Variants in PCDH15 observed in about 807,000 individuals in gnomAD.
PCDH15 encodes the protein protocadherin related 15.
PCDH15 carries 129 observed loss-of-function variants against 178.5 expected under a neutral mutation model. That is an observed-to-expected ratio of 0.72 (90% CI 0.63 to 0.84). The LOEUF (loss-of-function observed/expected upper bound fraction) is 0.84. PCDH15 is among the 40% of genes least tolerant of loss of function. PCDH15 has a pLI of 0.00. For missense variants in PCDH15, 2,230 were observed against 2,099.9 expected (o/e 1.06, Z -1.21); for synonymous variants, 800 against 732.0 (o/e 1.09, Z -1.50).
At chr10:55,505,009 A>T (rs1193838292) in intron 2 of PCDH15, among the ~76,000 whole-genome samples, 2 of 151,412 alleles carry the variant, frequency 1.3e-5, no homozygotes, top group Non-Finnish European at 3.0e-5. Context: ...TTGTCATAAG[A>T]GCTAATTTCA....
At chr10:54,745,964 A>C (rs1251289552) in intron 1 of PCDH15, among the ~76,000 whole-genome samples, 1 of 152,238 alleles carries the variant, frequency 6.6e-6, no homozygotes, top group Non-Finnish European at 1.5e-5. Context: ...TTGGAATAGT[A>C]GTCAAAATCT....
At chr10:54,279,927 T>C (rs907124653) in intron 8 of PCDH15, among the ~76,000 whole-genome samples, 1 of 151,686 alleles carries the variant, frequency 6.6e-6, no homozygotes, top group African/African-American at 2.4e-5. Flanking sequence ...GAGACTTTCC[T>C]AGAAATCGTT....
At chr10:54,875,969 C>A (rs1954132290) in intron 3 of PCDH15, among the ~76,000 whole-genome samples, 1 of 152,126 alleles carries the variant, frequency 6.6e-6, no homozygotes, top group Non-Finnish European at 1.5e-5. Flanking sequence ...AAGAAATTAT[C>A]ATCTAGGACT....
At chr10:54,774,644 A>G (rs1400986716) in intron 1 of PCDH15, among the ~76,000 whole-genome samples, 1 of 152,200 alleles carries the variant, frequency 6.6e-6, no homozygotes, top group African/African-American at 2.4e-5. Flanking sequence ...ACCAGTGGTT[A>G]GTTATCCCAG....
intron 1 of PCDH15, among the ~76,000 whole-genome samples, chr10:55,218,668 A>G (rs910780654): frequency 1.3e-5 from 2 of 152,026 alleles, no homozygotes; most frequent in African/African-American, 4.8e-5. Context: ...TGGGAAAATC[A>G]TGTGTTTGTT....
intron 20 of PCDH15, among the ~76,000 whole-genome samples, chr10:53,999,896 C>A (rs1027725227): frequency 6.6e-6 from 1 of 152,136 alleles, no homozygotes; most frequent in Admixed American, 6.5e-5. Context: ...TTGGACAAGA[C>A]CCAGTGCTGT....
intron 2 of PCDH15, among the ~76,000 whole-genome samples, chr10:55,050,023 T>C (rs1469094956): frequency 6.6e-6 from 1 of 152,040 alleles, no homozygotes; most frequent in Non-Finnish European, 1.5e-5. Context: ...TAGTTACAAA[T>C]ATGTTTACCT....
chr10:55,329,314 C>T (rs1292895763), intron 2 of PCDH15, among the ~76,000 whole-genome samples: 3 of 151,466 alleles, frequency 2.0e-5, no homozygotes, highest in Non-Finnish European at 4.4e-5. Flanking sequence ...ATTGTGAGTA[C>T]ATTGTTACTC....
At chr10:54,833,452 A>C (rs1953261031) in intron 3 of PCDH15, among the ~76,000 whole-genome samples, 1 of 152,204 alleles carries the variant, frequency 6.6e-6, no homozygotes, top group Non-Finnish European at 1.5e-5. Flanking sequence ...GAAGTTCTTA[A>C]GAACAAAGAC....
chr10:54,143,188 G>A (rs1224189516), intron 14 of PCDH15, among the ~76,000 whole-genome samples: 1 of 152,102 alleles, frequency 6.6e-6, no homozygotes, highest in Non-Finnish European at 1.5e-5. Flanking sequence ...AGTTTCCTTT[G>A]GGTGATATTT....
intron 21 of PCDH15, among the ~76,000 whole-genome samples, chr10:53,990,329 T>C (rs2091378746): frequency 6.6e-6 from 1 of 151,952 alleles, no homozygotes; most frequent in African/African-American, 2.4e-5. Flanking sequence ...TTTCTCTTTA[T>C]ATATATACTT....
At chr10:54,479,164 ATATAGTTC>A (rs1239515326) in intron 3 of PCDH15, among the ~76,000 whole-genome samples, 3 of 152,040 alleles carry the variant, frequency 2.0e-5, no homozygotes, top group Non-Finnish European at 2.9e-5. Flanking sequence ...TTCTATATTA[ATATAGTTC>A]TCCAAAATGT....
chr10:55,256,994 C>T (rs559475665), intron 1 of PCDH15, among the ~76,000 whole-genome samples: 1 of 152,286 alleles, frequency 6.6e-6, no homozygotes, highest in South Asian at 2.1e-4. Flanking sequence ...AGACTGACAC[C>T]TCACACTGCC....
At position 54,811,950 on chromosome 10, in the gene PCDH15, C is replaced by T. The variant is rs113574726; in HGVS notation, c.-29+85500G>A. ...CATTTTTTAAAACTTCATCTTAAATCCTGTCTCTCATTTATAAATATACAT... is the reference window on the plus strand; with the variant it reads ...CATTTTTTAAAACTTCATCTTAAATTCTGTCTCTCATTTATAAATATACAT... On this transcript the variant is annotated intron_variant, in intron 3 of 5. Coordinates refer to the PCDH15 transcript ENST00000458638. 1.9e-3 allele frequency among the ~76,000 whole-genome samples: 292 copies of T among 152,150 alleles called. 6 individuals carry two copies. Among genetic ancestry groups the T allele is most frequent in the Non-Finnish European group, 1.9e-3 (127 of 67,992 alleles).
intron 1 of PCDH15, among the ~76,000 whole-genome samples, chr10:55,173,511 C>T (rs12572873): frequency 0.11 from 16,367 of 151,860 alleles, 982 homozygotes; most frequent in East Asian, 0.25. Flanking sequence ...AATATGACAT[C>T]GTTTAATTTG....
intron 2 of PCDH15, among the ~76,000 whole-genome samples, chr10:55,066,556 T>G (rs2132006167): frequency 6.7e-6 from 1 of 149,746 alleles, no homozygotes; most frequent in East Asian, 2.0e-4. Flanking sequence ...ATTTATAAAT[T>G]TATAGTCTTA....
chr10:53,922,746 A>C (rs1269098981), intron 25 of PCDH15, among the ~76,000 whole-genome samples: 1 of 152,164 alleles, frequency 6.6e-6, no homozygotes, highest in African/African-American at 2.4e-5. Context: ...GCAAAACTGA[A>C]CCACTAAACT....
At chr10:54,268,101 A>G (rs2057809147) in intron 8 of PCDH15, among the ~76,000 whole-genome samples, 1 of 151,962 alleles carries the variant, frequency 6.6e-6, no homozygotes, top group African/African-American at 2.4e-5. Context: ...ATGGAACAGA[A>G]TAGAGAATCC....
chr10:54,242,130 T>TTTATATA (rs2055395670), intron 8 of PCDH15, among the ~76,000 whole-genome samples: 1 of 31,686 alleles, frequency 3.2e-5, no homozygotes, highest in African/African-American at 1.7e-4. Flanking sequence ...AATTCTATTT[T>TTTATATA]TATATATATA....
Sources: gnomAD v4.1 joint callset for allele counts (sites outside exome capture counted in the v4.1 genomes callset) on GRCh38, gnomAD v4.1.1 for gene constraint, MANE v1.5 for transcripts, NCBI Gene and HGNC (gene_info 2026-07-23, HGNC 2026-07-21) for gene names.